Variants in ARID1B observed in about 807,000 individuals in gnomAD.
ARID1B encodes the protein AT-rich interaction domain 1B, also known as AT-rich interactive domain-containing protein 1B.
In ARID1B, 30 loss-of-function variants were observed where a neutral mutation model predicts 212.3. The ratio of observed to expected loss-of-function variants is 0.14; its 90% CI spans 0.11 to 0.19. The LOEUF is 0.19. Among genes scored for constraint, ARID1B ranks in the 10% least tolerant of loss-of-function variants. The probability of loss-of-function intolerance (pLI) is 1.00; values close to 1 mark genes in which losing one functional copy is unlikely to be tolerated. For missense variants in ARID1B, 2,891 were observed against 3,204.0 expected, an observed-to-expected ratio of 0.90 and a Z score of 2.36; for synonymous variants, 1,402 against 1,301.7, an observed-to-expected ratio of 1.08 and a Z score of -1.66.
At chr6:157,085,143 C>G (rs1050762903) in intron 5 of ARID1B, among the ~76,000 whole-genome samples, 3 of 152,146 alleles carry the variant, frequency 2.0e-5, no homozygotes, top group Non-Finnish European at 2.9e-5. Context: ...TGCATATTTA[C>G]CTTAACTTAT....
At chr6:156,919,872 A>C (rs1790643147) in intron 3 of ARID1B, among the ~76,000 whole-genome samples, 1 of 152,224 alleles carries the variant, frequency 6.6e-6, no homozygotes, top group Admixed American at 6.5e-5. Flanking sequence ...CAAAGGCTAA[A>C]GAAAAACTTC....
chr6:157,110,845 A>G (rs1030308832), intron 6 of ARID1B: 2 of 472,554 alleles, frequency 4.2e-6, no homozygotes, highest in South Asian at 5.5e-5. Flanking sequence ...GTAGTCTGGT[A>G]TTTGGTCTAG....
chr6:156,901,279 A>C (rs547985029), intron 2 of ARID1B, 97 bp from the exon 3 acceptor site: 1 of 1,389,096 alleles, frequency 7.2e-7, no homozygotes, highest in African/African-American at 1.4e-5. Flanking sequence ...GTTGCTTAGC[A>C]GAGAACCCCC....
intron 4 of ARID1B, among the ~76,000 whole-genome samples, chr6:156,944,214 G>C (rs1182058381): frequency 1.3e-5 from 2 of 152,298 alleles, no homozygotes; most frequent in East Asian, 3.9e-4. Context: ...GTAAAGTGCG[G>C]GTACATTGAA....
Position 156,822,744 on chromosome 6 carries a change from C to T in ARID1B, c.1792-6483C>T, listed in dbSNP as rs11964438. On this transcript the variant is annotated intron_variant, in intron 1 of 19. Coordinates refer to ENST00000636930, the MANE Select transcript of ARID1B (RefSeq NM_001374828.1). The stretch of plus-strand genomic sequence containing the variant: ...TACAGCAGCTCTGAAGTGTGTCCCA[C>T]AGTGGCTTCTGGGTGGTGCCACTGG... Among the ~76,000 whole-genome samples the T allele has an allele frequency of 9.9e-3, 1,515 of 152,278 alleles. 28 individuals are homozygous for T. Among genetic ancestry groups the T allele is most frequent in the African/African-American group, 0.034 (1,416 of 41,548 alleles).
intron 8 of ARID1B, among the ~76,000 whole-genome samples, chr6:157,161,046 T>C (rs146712551): frequency 3.9e-5 from 6 of 152,210 alleles, no homozygotes; most frequent in East Asian, 1.9e-4. Flanking sequence ...CCCATACTTA[T>C]CTTAAAATAC....
At chr6:157,021,497 G>T (rs369619163) in intron 4 of ARID1B, among the ~76,000 whole-genome samples, 1 of 152,180 alleles carries the variant, frequency 6.6e-6, no homozygotes, top group Admixed American at 6.5e-5. Flanking sequence ...GGCCCGACCC[G>T]GGCGGGGGTT....
At chr6:157,024,803 TG>T (rs1293003789) in intron 4 of ARID1B, 7 of 152,192 alleles carry the variant, frequency 4.6e-5, no homozygotes, top group Admixed American at 4.6e-4. Context: ...ACCCAAAATC[TG>T]GCTTTTCATC....
At chr6:157,010,980 G>A (rs1422907543) in intron 4 of ARID1B, among the ~76,000 whole-genome samples, 1 of 152,184 alleles carries the variant, frequency 6.6e-6, no homozygotes. Context: ...CTGGTCCGAA[G>A]GCCAGGACAC....
chr6:156,810,317 A>G (rs1224541439), intron 1 of ARID1B, among the ~76,000 whole-genome samples: 3 of 152,166 alleles, frequency 2.0e-5, no homozygotes, highest in Non-Finnish European at 2.9e-5. Context: ...TTCTGGTTAT[A>G]AAAGTGTAAA....
intron 4 of ARID1B, among the ~76,000 whole-genome samples, chr6:157,048,512 A>T (rs937885222): frequency 1.3e-5 from 2 of 152,346 alleles, no homozygotes; most frequent in East Asian, 1.9e-4. Context: ...AGGAATAAAA[A>T]GTCTGGGAGA....
chr6:156,865,145 T>A (rs1785592522), intron 2 of ARID1B, among the ~76,000 whole-genome samples: 1 of 152,178 alleles, frequency 6.6e-6, no homozygotes, highest in South Asian at 2.1e-4. Context: ...ACCCTGGGAT[T>A]TTCCTTTACT....
At position 157,189,671 on chromosome 6, in the gene ARID1B, AC is replaced by A. The variant is rs1289067120; in HGVS notation, c.3955del (p.Gln1319SerfsTer15). The A allele has an allele frequency of 6.2e-7, 1 of 1,613,100 alleles. No homozygotes were observed. Among genetic ancestry groups the A allele is most frequent in the Admixed American group, 1.7e-5 (1 of 59,634 alleles). ...CTCGGGATCCTTGCAAGGCCCACAG[AC>A]CCCCCAGTCAACTGGCAGCAATTCC... ...ANSGSLQGPQ[T>X]PQSTGSNSMA... On this transcript the variant is annotated frameshift_variant, in exon 14 of 20. Transcript: ENST00000636930. LOFTEE classifies it high-confidence loss of function.
At chr6:157,189,828 C>A (rs750607131) in intron 14 of ARID1B, 48 bp downstream of exon 14, 3 of 1,610,140 alleles carry the variant, frequency 1.9e-6, no homozygotes, top group African/African-American at 1.3e-5. Context: ...ATTTGTTCAT[C>A]TTTTAGTTTT....
At chr6:157,187,490 A>G (rs2128334300) in intron 13 of ARID1B, among the ~76,000 whole-genome samples, 1 of 152,262 alleles carries the variant, frequency 6.6e-6, no homozygotes, top group East Asian at 1.9e-4. Context: ...CATATCAGCT[A>G]TTCCTTCTCC....
chr6:156,915,866 A>G (rs1661293541), intron 3 of ARID1B, among the ~76,000 whole-genome samples: 1 of 151,640 alleles, frequency 6.6e-6, no homozygotes, highest in Admixed American at 6.6e-5. Flanking sequence ...ACTGCACTCC[A>G]GTCTGGGTGG....
chr6:156,935,635 T>C, intron 4 of ARID1B, 59 bp downstream of exon 4: 5 of 1,410,022 alleles, frequency 3.5e-6, no homozygotes, highest in Non-Finnish European at 5.0e-6. Context: ...TAGAAAGAGC[T>C]GTTGTTTTTG....
chr6:156,915,975 C>A (rs1164434506), intron 3 of ARID1B, among the ~76,000 whole-genome samples: 1 of 151,524 alleles, frequency 6.6e-6, no homozygotes, highest in Admixed American at 6.6e-5. Context: ...GCCCCACCCC[C>A]CCAGCTCACT....
At chr6:157,037,187 C>G (rs1781388585) in intron 4 of ARID1B, among the ~76,000 whole-genome samples, 1 of 152,188 alleles carries the variant, frequency 6.6e-6, no homozygotes, top group Admixed American at 6.5e-5. Context: ...TTTGGGGCTA[C>G]TGAAATGTAA....
Sources: allele counts gnomAD v4.1 joint callset (sites outside exome capture counted in the v4.1 genomes callset), GRCh38; gene constraint gnomAD v4.1.1; transcripts MANE v1.5; gene names NCBI Gene and HGNC (gene_info 2026-07-23, HGNC 2026-07-21).